Variants in FBXO4 observed in about 807,000 individuals in gnomAD.
The protein encoded by FBXO4 is F-box protein 4.
Under a neutral mutation model 43.7 loss-of-function variants are expected in FBXO4, and 36 were observed. The observed-to-expected ratio is 0.82, with a 90% CI of 0.63 to 1.09. The LOEUF is 1.09. FBXO4 is among the 50% of genes least tolerant of loss of function. The probability of loss-of-function intolerance (pLI) is 0.00; values close to 1 mark genes in which losing one functional copy is unlikely to be tolerated. For missense variants in FBXO4, 435 were observed against 474.1 expected (o/e 0.92, Z 0.77); for synonymous variants, 180 against 165.6 (o/e 1.09, Z -0.67).
In FBXO4 at chr5:41,929,780, C is replaced by G; in HGVS notation, c.509C>G (p.Ser170Cys). The G allele has an allele frequency of 1.2e-6, 2 of 1,614,114 alleles. No homozygotes were observed. The highest frequency in any genetic ancestry group is 2.7e-5 in the African/African-American group (2 of 75,044). ...MYGAVTSFLH[S>C]LIIQNEPRFA... is the part of the protein sequence containing the mutation. Reference sequence around the variant, plus strand: ...GGAGCTGTCACTTCTTTTTTACACTCCCTGATCATTCAGAATGAACCACGA... The same window carrying G: ...GGAGCTGTCACTTCTTTTTTACACTGCCTGATCATTCAGAATGAACCACGA... Residue 170 changes from serine (S) to cysteine (C), a missense_variant, in exon 3 of 7, where the codon TCC (serine) becomes TGC (cysteine). Physicochemically the swap from Ser to Cys is moderately radical, Grantham distance 112 (BLOSUM62 -1). Coordinates refer to ENST00000281623, the MANE Select transcript of FBXO4 (RefSeq NM_012176.3).
At chr5:42,006,720 T>C in the FBXO4 span, among the ~76,000 whole-genome samples, 3 of 151,410 alleles carry the variant, frequency 2.0e-5, no homozygotes, top group Admixed American at 2.0e-4. Flanking sequence ...TGGGTAGTAA[T>C]AGAGAAATTT....
the FBXO4 span, among the ~76,000 whole-genome samples, chr5:41,997,490 C>T: frequency 6.6e-6 from 1 of 152,212 alleles, no homozygotes; most frequent in South Asian, 2.1e-4. Context: ...CCTCACCCTA[C>T]CAGTCAGGGA....
chr5:41,960,172 C>T, the FBXO4 span, among the ~76,000 whole-genome samples: 4 of 151,810 alleles, frequency 2.6e-5, no homozygotes, highest in Non-Finnish European at 2.9e-5. Flanking sequence ...TTTTTGTTAA[C>T]GTGTAGAAAT....
intron 5 of FBXO4, chr5:41,934,670 T>G (rs533051942): frequency 1.2e-5 from 13 of 1,088,440 alleles, no homozygotes; most frequent in Non-Finnish European, 1.5e-5. Flanking sequence ...TGCATTTTTT[T>G]GATACTGACA....
In FBXO4 at chr5:41,925,397, G is replaced by T; in HGVS notation, c.88G>T (p.Gly30Cys). Residue 30 changes from glycine (G) to cysteine (C), a missense_variant, in exon 1 of 7, where the codon GGC becomes TGC. Coordinates refer to ENST00000281623, the MANE Select transcript of FBXO4 (RefSeq NM_012176.3). ...CCGCCTGGAGGCGGCCATCCTCAGC[G>T]GCTGGAAGACCTTCTGGCAGTCAGT... ...WGRLEAAILSGWKTFWQSVSK... is the reference protein window; with the variant it reads ...WGRLEAAILSCWKTFWQSVSK... 1 of 1,384,906 alleles carries T rather than the reference G, an allele frequency of 7.2e-7. No homozygotes were observed. The highest frequency in any genetic ancestry group is 9.4e-7 in the Non-Finnish European group (1 of 1,064,814). The allele number at this position is 1,384,906 out of a possible 1,614,324, so 85.8% of individuals were successfully genotyped here.
At chr5:41,934,362 A>G in intron 5 of FBXO4, 54 bp downstream of exon 5, 1 of 1,610,076 alleles carries the variant, frequency 6.2e-7, no homozygotes, top group Non-Finnish European at 8.5e-7. Flanking sequence ...AAGCAAATGG[A>G]AAATACCTTT....
chr5:42,036,749 G>T, the FBXO4 span, among the ~76,000 whole-genome samples: 2 of 152,094 alleles, frequency 1.3e-5, no homozygotes, highest in Admixed American at 1.3e-4. Context: ...GACAGAGATA[G>T]GAGCAAAATA....
At chr5:41,927,552 A>T (rs1751546732) in intron 2 of FBXO4, among the ~76,000 whole-genome samples, 1 of 152,228 alleles carries the variant, frequency 6.6e-6, no homozygotes, top group African/African-American at 2.4e-5. Context: ...TTAAATAAGT[A>T]AATACTTTTC....
At chr5:42,031,465 G>T in the FBXO4 span, among the ~76,000 whole-genome samples, 10 of 147,236 alleles carry the variant, frequency 6.8e-5, no homozygotes, top group Non-Finnish European at 9.0e-5. Context: ...GTTGTGGAGT[G>T]GGGGGAGGGG....
the FBXO4 span, among the ~76,000 whole-genome samples, chr5:42,017,676 GT>G: frequency 6.6e-6 from 1 of 151,394 alleles, no homozygotes; most frequent in African/African-American, 2.4e-5. Context: ...CCACTTATAA[GT>G]GAGAACATGT....
the FBXO4 span, among the ~76,000 whole-genome samples, chr5:41,976,548 G>A: frequency 3.9e-5 from 6 of 152,344 alleles, no homozygotes; most frequent in Middle Eastern, 6.8e-3. Context: ...CAGGGCAGGC[G>A]TTAAATCTTA....
the FBXO4 span, among the ~76,000 whole-genome samples, chr5:42,006,953 A>G: frequency 1.3e-4 from 17 of 135,362 alleles, 1 homozygote; most frequent in African/African-American, 4.8e-4. Context: ...TATATACATG[A>G]CATATATACA....
chr5:41,958,090 A>AT, the FBXO4 span, among the ~76,000 whole-genome samples: 10 of 148,072 alleles, frequency 6.8e-5, no homozygotes, highest in African/African-American at 2.5e-4. Context: ...TCACATACTT[A>AT]TTTTTTATGT....
At chr5:41,969,874 A>G in the FBXO4 span, among the ~76,000 whole-genome samples, 1 of 152,140 alleles carries the variant, frequency 6.6e-6, no homozygotes, top group Non-Finnish European at 1.5e-5. Context: ...TGTGTTGTGA[A>G]AAAAAGGTGG....
At chr5:41,962,569 G>A in the FBXO4 span, among the ~76,000 whole-genome samples, 8 of 152,064 alleles carry the variant, frequency 5.3e-5, no homozygotes, top group Non-Finnish European at 8.8e-5. Context: ...GTTTATCTTC[G>A]TTCTTATGCC....
At chr5:41,935,248 C>T (rs1308161445) in intron 5 of FBXO4, among the ~76,000 whole-genome samples, 2 of 152,106 alleles carry the variant, frequency 1.3e-5, no homozygotes, top group African/African-American at 2.4e-5. Context: ...TTACAAGACA[C>T]AAAGAGACTA....
chr5:42,031,346 A>G, the FBXO4 span, among the ~76,000 whole-genome samples: 5 of 151,922 alleles, frequency 3.3e-5, no homozygotes, highest in African/African-American at 1.2e-4. Context: ...TTCTCAGCAA[A>G]CTATCACAAG....
the FBXO4 span, among the ~76,000 whole-genome samples, chr5:41,957,460 A>T: frequency 6.8e-6 from 1 of 147,130 alleles, no homozygotes; most frequent in Non-Finnish European, 1.5e-5. Flanking sequence ...TATTATAATT[A>T]TATTAACTAT....
chr5:41,958,927 C>A, the FBXO4 span, among the ~76,000 whole-genome samples: 1 of 152,138 alleles, frequency 6.6e-6, no homozygotes, highest in Non-Finnish European at 1.5e-5. Flanking sequence ...AGCAGGATTG[C>A]TGGATCATAT....
Sources: allele counts gnomAD v4.1 joint callset (sites outside exome capture counted in the v4.1 genomes callset), GRCh38; gene constraint gnomAD v4.1.1; transcripts MANE v1.5; gene names NCBI Gene and HGNC (gene_info 2026-07-23, HGNC 2026-07-21).